Variants in PLEKHM1 observed in about 807,000 individuals in gnomAD.
PLEKHM1 encodes pleckstrin homology domain-containing family M member 1.
A neutral mutation model predicts 94.3 loss-of-function variants in PLEKHM1; 28 were observed. The observed-to-expected ratio is 0.30, with a 90% CI of 0.22 to 0.41. The LOEUF (loss-of-function observed/expected upper bound fraction) is 0.41. Among genes scored for constraint, PLEKHM1 ranks in the 10% least tolerant of loss-of-function variants. The pLI is 1.00. For missense variants in PLEKHM1, 907 were observed against 1,358.6 expected, an observed-to-expected ratio of 0.67 and a Z score of 5.22; for synonymous variants, 424 against 581.2, an observed-to-expected ratio of 0.73 and a Z score of 3.89.
chr17:45,477,791 A>G, intron 3 of PLEKHM1, 109 bp downstream of exon 3: 1 of 1,301,398 alleles, frequency 7.7e-7, no homozygotes. Flanking sequence ...TCTCTATGCT[A>G]GAACACAGGG....
At chr17:45,443,858 G>C (rs1290397091) in intron 9 of PLEKHM1, among the ~76,000 whole-genome samples, 1 of 152,134 alleles carries the variant, frequency 6.6e-6, no homozygotes, top group Non-Finnish European at 1.5e-5. Context: ...TGGAGACCCA[G>C]TCACCCACGA....
In PLEKHM1 at chr17:45,445,843, C is replaced by T. The variant is rs1567766283; in HGVS notation, c.2644-180G>A. Among the ~76,000 whole-genome samples the T allele has an allele frequency of 6.6e-6, 1 of 152,204 alleles. No individual in the cohort carries two copies. The highest frequency in any genetic ancestry group is 1.5e-5 in the Non-Finnish European group (1 of 68,038). On this transcript the variant is annotated intron_variant, in intron 8 of 11. Transcript: ENST00000430334. This position sits in a 1 kb window ranked among gnomAD's most constrained non-coding sequence, Gnocchi z 4.2. ...AGGGTCACCCAGCTTGTAAATGGTA[C>T]AGTCAAGCTCTGAACCCAGTTTATC... is the stretch of plus-strand genomic sequence containing the variant.
chr17:45,454,497 A>G lies in PLEKHM1; in HGVS notation c.1580-225T>C. The G allele has an allele frequency of 6.4e-6, 4 of 622,336 alleles. No homozygotes were observed. The South Asian group carries it at 7.5e-5, about 12-fold the overall frequency. 38.6% of individuals were successfully genotyped at this position (622,336 alleles called of 1,614,324 possible). ...TTGCGTCCTGTATTTCACTGAGAAAATAAGAGCACCCAAAAGATCCCCTCC... is the reference window on the plus strand; with the variant it reads ...TTGCGTCCTGTATTTCACTGAGAAAGTAAGAGCACCCAAAAGATCCCCTCC... On this transcript the variant is annotated intron_variant, in intron 6 of 11. Coordinates refer to ENST00000430334, the MANE Select transcript of PLEKHM1 (RefSeq NM_014798.3).
At chr17:45,452,146 C>T (rs1259283972) in intron 7 of PLEKHM1, among the ~76,000 whole-genome samples, 2 of 152,072 alleles carry the variant, frequency 1.3e-5, no homozygotes, top group Non-Finnish European at 2.9e-5. Context: ...TGCCATCTGC[C>T]CCTGGATGGT....
chr17:45,483,017 A>T (rs1175169126), intron 1 of PLEKHM1, among the ~76,000 whole-genome samples: 1 of 151,862 alleles, frequency 6.6e-6, no homozygotes, highest in East Asian at 1.9e-4. Flanking sequence ...TCCCAGTCCA[A>T]CATCTGCCAG....
At position 45,437,804 on chromosome 17, in the gene PLEKHM1, G is replaced by A; in HGVS notation, c.*54C>T. 1 of 1,387,002 alleles carries A rather than the reference G, an allele frequency of 7.2e-7. No homozygotes were observed. Among genetic ancestry groups the A allele is most frequent in the East Asian group, 2.3e-5 (1 of 43,872 alleles). The allele number at this position is 1,387,002 out of a possible 1,614,324, so 85.9% of individuals were successfully genotyped here. A position where few individuals can be genotyped will look rare whatever the true frequency, so the allele number is the denominator to read the frequency against. On this transcript the variant is annotated 3_prime_UTR_variant, in exon 12 of 12. Transcript: ENST00000430334. The surrounding 1 kb of genome is among the most constrained non-coding windows in gnomAD (Gnocchi z 4.0). ...CTGGGCTGATGGCAAACCCAGCCGGGATGGCTGAGCCACACTCACCCCCGG... is the reference window on the plus strand; with the variant it reads ...CTGGGCTGATGGCAAACCCAGCCGGAATGGCTGAGCCACACTCACCCCCGG...
rs932071578 is a variant in PLEKHM1 at position 45,436,055 on chromosome 17, C to A, written c.*1803G>T. 6.6e-6 allele frequency: 3 copies of A among 456,524 alleles called. No individual in the cohort carries two copies. The highest frequency in any genetic ancestry group is 8.8e-6 in the Non-Finnish European group (2 of 226,990). The allele number at this position is 456,524 out of a possible 1,614,324, so 28.3% of individuals were successfully genotyped here. On this transcript the variant is annotated 3_prime_UTR_variant, in exon 12 of 12. Coordinates refer to ENST00000430334, the MANE Select transcript of PLEKHM1 (RefSeq NM_014798.3). ...CATTTTAAAAATAGTGTGGGCACTA[C>A]CTTTCTGAGGGAGGGGAGGCGGGAA...
At chr17:45,473,067 C>T (rs1015396824) in intron 4 of PLEKHM1, among the ~76,000 whole-genome samples, 1 of 152,028 alleles carries the variant, frequency 6.6e-6, no homozygotes, top group East Asian at 1.9e-4. Flanking sequence ...CAAGGACATT[C>T]CTGGTGGAGT....
chr17:45,468,791 C>T (rs1237607202), intron 4 of PLEKHM1, among the ~76,000 whole-genome samples, 198 bp from the exon 5 acceptor site: 1 of 152,162 alleles, frequency 6.6e-6, no homozygotes, highest in East Asian at 1.9e-4. Flanking sequence ...AGGATTTAGG[C>T]AGACTGCGTG....
chr17:45,475,890 G>A, intron 3 of PLEKHM1, 164 bp from the exon 4 acceptor site: 2 of 791,572 alleles, frequency 2.5e-6, no homozygotes, highest in Non-Finnish European at 4.3e-6. Flanking sequence ...GCTCACACCT[G>A]TAATCCCAGC....
In PLEKHM1 at chr17:45,453,105, C is replaced by A. The variant is rs2050820227; in HGVS notation, c.2497+250G>T. 1.6e-6 allele frequency: 1 copy of A among 606,750 alleles called. No individual in the cohort carries two copies. The highest frequency in any genetic ancestry group is 2.9e-6 in the Non-Finnish European group (1 of 341,010). The allele number at this position is 606,750 out of a possible 1,614,324, so 37.6% of individuals were successfully genotyped here. On this transcript the variant is annotated intron_variant, in intron 7 of 11. Transcript: ENST00000430334. The surrounding 1 kb of genome is among the most constrained non-coding windows in gnomAD (Gnocchi z 4.1). Reference sequence around the variant, plus strand: ...AGCAGCGCAGTGAGTAGCCAGCCTGCCGCCCATCAGTGGGAGGTGGCAGGA... The same window carrying A: ...AGCAGCGCAGTGAGTAGCCAGCCTGACGCCCATCAGTGGGAGGTGGCAGGA...
Position 45,444,961 on chromosome 17 carries a change from C to T in PLEKHM1, c.2837+509G>A, listed in dbSNP as rs565460871. On this transcript the variant is annotated intron_variant, in intron 9 of 11. Transcript: ENST00000430334. The surrounding 1 kb of genome is among the most constrained non-coding windows in gnomAD (Gnocchi z 5.0). ...CTGGCTTTCCCACCTGTCTCCCTCT[C>T]ACCCTCACCCCCGGATGGAGTTGCT... 6.6e-6 allele frequency among the ~76,000 whole-genome samples: 1 copy of T among 152,292 alleles called. No individual in the cohort carries two copies. Among genetic ancestry groups the T allele is most frequent in the South Asian group, 2.1e-4 (1 of 4,822 alleles).
Position 45,437,889 on chromosome 17 carries a change from C to A in PLEKHM1, c.3140G>T (p.Arg1047Leu). Residue 1047 changes from arginine (R) to leucine (L), a missense_variant, in exon 12 of 12, where the codon CGC (arginine) becomes CTC (leucine). Arg to Leu is a moderately radical substitution (Grantham distance 102). Coordinates refer to ENST00000430334, the MANE Select transcript of PLEKHM1 (RefSeq NM_014798.3). This position sits in a 1 kb window ranked among gnomAD's most constrained non-coding sequence, Gnocchi z 4.0. ...GAAAATGTTCTGTTCCTGGTACTTG[C>A]GCCGGCGGGCACAGCGGGGGCAGCC... The part of the protein sequence containing the change: ...KKGCPRCARR[R>L]KYQEQNIFA 6.2e-7 allele frequency: 1 copy of A among 1,613,936 alleles called. No homozygotes were observed. Among genetic ancestry groups the A allele is most frequent in the East Asian group, 2.2e-5 (1 of 44,888 alleles).
chr17:45,438,398 G>A (rs1039247041), intron 11 of PLEKHM1, among the ~76,000 whole-genome samples: 21 of 151,904 alleles, frequency 1.4e-4, no homozygotes, highest in South Asian at 4.2e-4. Context: ...CGGGCGTGGC[G>A]GTGTGTGCCT....
chr17:45,474,214 T>C (rs1233424163), intron 4 of PLEKHM1, among the ~76,000 whole-genome samples: 2 of 151,998 alleles, frequency 1.3e-5, no homozygotes, highest in Non-Finnish European at 2.9e-5. Flanking sequence ...CCCGCCACCA[T>C]GCCCAGCTAA....
chr17:45,475,510 G>A lies in PLEKHM1; in HGVS notation c.513C>T (p.Leu171=). The change falls in exon 4 of 12, where the codon CTC becomes CTT. Residue 171 remains leucine, a synonymous_variant. Coordinates refer to ENST00000430334, the MANE Select transcript of PLEKHM1 (RefSeq NM_014798.3). ...GEFLLSFLQG[L]TSLSFELSYK... is the part of the protein sequence containing the mutation. The stretch of plus-strand genomic sequence containing the variant: ...AGGAGAGTTCGAAGGACAAGGACGT[G>A]AGGCCCTGCAGGAAGCTAAGGAGGA... The A allele has an allele frequency of 6.2e-7, 1 of 1,611,848 alleles. No homozygotes were observed. Among genetic ancestry groups the A allele is most frequent in the South Asian group, 1.1e-5 (1 of 91,068 alleles).
At chr17:45,467,970 A>T (rs2051370498) in intron 5 of PLEKHM1, among the ~76,000 whole-genome samples, 1 of 152,208 alleles carries the variant, frequency 6.6e-6, no homozygotes, top group Admixed American at 6.5e-5. Flanking sequence ...GGAAGTGATC[A>T]GCACAGTGCC....
At chr17:45,475,794 G>A in intron 3 of PLEKHM1, 68 bp from the exon 4 acceptor site, 1 of 1,484,694 alleles carries the variant, frequency 6.7e-7, no homozygotes, top group East Asian at 2.5e-5. Flanking sequence ...TTTATCCACT[G>A]GTTAGCAGGA....
At chr17:45,439,202 G>A (rs951409627) in intron 11 of PLEKHM1, among the ~76,000 whole-genome samples, 4 of 152,210 alleles carry the variant, frequency 2.6e-5, no homozygotes, top group Non-Finnish European at 4.4e-5. Flanking sequence ...TCAGAGAGCC[G>A]GCAGCCACCT....
Sources: allele counts gnomAD v4.1 joint callset (sites outside exome capture counted in the v4.1 genomes callset), GRCh38; gene constraint gnomAD v4.1.1; non-coding constraint Gnocchi (gnomAD v3.1); transcripts MANE v1.5; gene names NCBI Gene and HGNC (gene_info 2026-07-23, HGNC 2026-07-21).